Variants in GLRB observed in about 807,000 individuals in gnomAD.
GLRB encodes the protein glycine receptor beta, also known as glycine receptor subunit beta.
GLRB carries 33 observed loss-of-function variants against 54.2 expected under a neutral mutation model. That is an observed-to-expected ratio of 0.61 (90% CI 0.46 to 0.81). The LOEUF is 0.81. GLRB is among the 40% of genes least tolerant of loss of function. The probability of loss-of-function intolerance (pLI) is 0.00; values close to 1 mark genes in which losing one functional copy is unlikely to be tolerated. For missense variants in GLRB, 572 were observed against 584.6 expected (o/e 0.98, Z 0.22); for synonymous variants, 209 against 208.2 (o/e 1.00, Z -0.03).
chr4:157,080,082 C>T (rs1270280127), intron 2 of GLRB, among the ~76,000 whole-genome samples: 2 of 152,120 alleles, frequency 1.3e-5, no homozygotes, highest in African/African-American at 4.8e-5. Context: ...AGAGGACATT[C>T]TCTTTTCACA....
At chr4:157,114,487 T>C (rs910145729) in intron 2 of GLRB, among the ~76,000 whole-genome samples, 3 of 151,842 alleles carry the variant, frequency 2.0e-5, no homozygotes, top group African/African-American at 7.2e-5. Flanking sequence ...CTTTTATTTA[T>C]TTTTTACAAT....
At position 157,108,609 on chromosome 4, in the gene GLRB, G is replaced by A. The variant is rs1361735967; in HGVS notation, c.123-11947G>A. 3.3e-5 allele frequency among the ~76,000 whole-genome samples: 5 copies of A among 152,090 alleles called. No individual in the cohort carries two copies. The East Asian group carries it at 5.8e-4, about 18-fold the overall frequency. ...AGAAGATGCATTGATTCCTATGGAT[G>A]AGCAAAGAATGTGGTTTCCTGAAAT... On this transcript the variant is annotated intron_variant, in intron 2 of 9. Transcript: ENST00000264428.
chr4:157,170,563 A>C lies in GLRB; in HGVS notation c.1329A>C (p.Glu443Asp). 1 of 1,613,410 alleles carries C rather than the reference A, an allele frequency of 6.2e-7. No homozygotes were observed. The highest frequency in any genetic ancestry group is 8.5e-7 in the Non-Finnish European group (1 of 1,179,484). The change falls in exon 10 of 10, where the codon GAA (glutamate) becomes GAC (aspartate). Residue 443 changes from glutamate to aspartate, a missense_variant. By Grantham distance (45) the Glu-to-Asp change is conservative. Coordinates refer to ENST00000264428, the MANE Select transcript of GLRB (RefSeq NM_000824.5). ...SNYDCYGKPI[E>D]VNNGLGKSQA... is the part of the protein sequence containing the mutation. ...ATGACTGCTATGGAAAACCCATTGA[A>C]GTTAACAACGGACTTGGGAAATCTC...
At chr4:157,114,008 TAC>T (rs552822877) in intron 2 of GLRB, among the ~76,000 whole-genome samples, 5 of 151,962 alleles carry the variant, frequency 3.3e-5, no homozygotes, top group East Asian at 1.9e-4. Flanking sequence ...CCACAATAAT[TAC>T]ACAGTTATAT....
Position 157,136,705 on chromosome 4 carries a change from T to A in GLRB, c.527+7T>A, listed in dbSNP as rs138020195. 1.9e-6 allele frequency: 3 copies of A among 1,550,142 alleles called. No individual in the cohort carries two copies. The highest frequency in any genetic ancestry group is 2.7e-6 in the Non-Finnish European group (3 of 1,122,042). ...ATGTCCTTGTCAGCATGAGGTACTC[T>A]TTTATATTTCATATTTGTGCATTTA... On this transcript the variant is annotated splice_region_variant and intron_variant, in intron 5 of 9. Transcript: ENST00000264428.
intron 9 of GLRB, among the ~76,000 whole-genome samples, chr4:157,161,925 T>A (rs1183868975): frequency 1.3e-5 from 2 of 152,206 alleles, no homozygotes; most frequent in Admixed American, 1.3e-4. Flanking sequence ...CTGCAGAGTG[T>A]TTTCCAACTT....
intron 4 of GLRB, among the ~76,000 whole-genome samples, chr4:157,131,083 T>G: frequency 6.6e-6 from 1 of 151,824 alleles, no homozygotes; most frequent in East Asian, 1.9e-4. Context: ...TTTTTAAAAG[T>G]TATCTAATTT....
At chr4:157,116,627 T>C (rs1735617489) in intron 2 of GLRB, among the ~76,000 whole-genome samples, 1 of 151,758 alleles carries the variant, frequency 6.6e-6, no homozygotes, top group Non-Finnish European at 1.5e-5. Flanking sequence ...GTTTTAACTC[T>C]TTAAAACAAA....
In GLRB at chr4:157,144,032, T is replaced by C. The variant is rs1485949126; in HGVS notation, c.904+73T>C. 1.3e-5 allele frequency: 19 copies of C among 1,412,328 alleles called. No individual in the cohort carries two copies. In the East Asian group the frequency reaches 4.3e-4, roughly 32 times the overall value. The allele number at this position is 1,412,328 out of a possible 1,614,324, so 87.5% of individuals were successfully genotyped here. A position where few individuals can be genotyped will look rare whatever the true frequency, so the allele number is the denominator to read the frequency against. ...TTATCTAACTTACCATATAATCAACTACTTTGAAACAATGAGTTTTAGAAT... is the reference window on the plus strand; with the variant it reads ...TTATCTAACTTACCATATAATCAACCACTTTGAAACAATGAGTTTTAGAAT... On this transcript the variant is annotated intron_variant, in intron 8 of 9. Coordinates refer to ENST00000264428, the MANE Select transcript of GLRB (RefSeq NM_000824.5).
At chr4:157,106,913 G>A (rs1735247904) in intron 2 of GLRB, among the ~76,000 whole-genome samples, 1 of 151,984 alleles carries the variant, frequency 6.6e-6, no homozygotes, top group Admixed American at 6.6e-5. Flanking sequence ...AAGGTTTGCG[G>A]CAACCTGCTT....
At chr4:157,153,063 CAA>C (rs896588595) in intron 9 of GLRB, 53 bp downstream of exon 9, 11 of 1,419,674 alleles carry the variant, frequency 7.7e-6, no homozygotes, top group African/African-American at 1.4e-5. Context: ...TTCATAGTGT[CAA>C]GAGAGAGACA....
intron 2 of GLRB, among the ~76,000 whole-genome samples, chr4:157,080,582 G>A (rs1040222145): frequency 2.0e-5 from 3 of 152,176 alleles, no homozygotes; most frequent in African/African-American, 4.8e-5. Flanking sequence ...AAGAATTTGA[G>A]CTATAATAAG....
intron 3 of GLRB, among the ~76,000 whole-genome samples, chr4:157,121,345 T>A (rs1364547632): frequency 6.6e-6 from 1 of 151,624 alleles, no homozygotes; most frequent in East Asian, 1.9e-4. Context: ...TTTGTACTTT[T>A]GATGAATTAG....
At chr4:157,080,638 C>CATACAAACATA (rs1734189915) in intron 2 of GLRB, among the ~76,000 whole-genome samples, 1 of 152,114 alleles carries the variant, frequency 6.6e-6, no homozygotes, top group Non-Finnish European at 1.5e-5. Flanking sequence ...AGAGAATGAT[C>CATACAAACATA]CAGTTTGCTT....
intron 2 of GLRB, among the ~76,000 whole-genome samples, chr4:157,082,230 A>G (rs1734246025): frequency 6.6e-6 from 1 of 152,038 alleles, no homozygotes; most frequent in African/African-American, 2.4e-5. Flanking sequence ...TCAGACTCAA[A>G]CCCTATTGTC....
intron 2 of GLRB, among the ~76,000 whole-genome samples, chr4:157,115,715 CA>C (rs1347318953): frequency 4.6e-5 from 7 of 151,686 alleles, no homozygotes; most frequent in Non-Finnish European, 1.0e-4. Flanking sequence ...ATCAGATTTT[CA>C]GAGACATCTG....
intron 2 of GLRB, among the ~76,000 whole-genome samples, chr4:157,112,821 G>C (rs1382844502): frequency 6.6e-6 from 1 of 151,910 alleles, no homozygotes; most frequent in Non-Finnish European, 1.5e-5. Context: ...AAGACACTCA[G>C]CTCTGAACTG....
Position 157,122,379 on chromosome 4 carries a change from C to A in GLRB, c.279C>A (p.Ser93=). Residue 93 remains serine, a synonymous_variant, in exon 4 of 10, where the codon TCC becomes TCA. Transcript: ENST00000264428. ...VVNIFINSFG[S]IQETTMDYRV... ...ACATTTTTATTAACAGTTTTGGATC[C>A]ATTCAAGAAACAACAATGGTAAGAT... 1 of 1,285,328 alleles carries A rather than the reference C, an allele frequency of 7.8e-7. No homozygotes were observed. Among genetic ancestry groups the A allele is most frequent in the Non-Finnish European group, 1.1e-6 (1 of 893,910 alleles). The allele number at this position is 1,285,328 out of a possible 1,614,324, so 79.6% of individuals were successfully genotyped here.
chr4:157,088,486 C>T (rs1365500752), intron 2 of GLRB, among the ~76,000 whole-genome samples: 4 of 151,986 alleles, frequency 2.6e-5, no homozygotes, highest in Non-Finnish European at 5.9e-5. Flanking sequence ...AATTCTTTTC[C>T]TTACCCCTCA....
Sources: allele counts gnomAD v4.1 joint callset (sites outside exome capture counted in the v4.1 genomes callset), GRCh38; gene constraint gnomAD v4.1.1; transcripts MANE v1.5; gene names NCBI Gene and HGNC (gene_info 2026-07-23, HGNC 2026-07-21).